SGCD: variants seen among roughly 807,000 people sequenced by gnomAD.
SGCD encodes delta-sarcoglycan.
A neutral mutation model predicts 36.6 loss-of-function variants in SGCD; 18 were observed. The observed-to-expected ratio is 0.49, with a 90% CI of 0.34 to 0.73. SGCD has a LOEUF of 0.73. Among genes scored for constraint, SGCD ranks in the 30% least tolerant of loss-of-function variants. The pLI, the probability that SGCD is intolerant of heterozygous loss-of-function variation, is 0.01. For synonymous variants in SGCD, 133 were observed against 130.6 expected (o/e 1.02, Z -0.12); for missense variants, 387 against 346.7 (o/e 1.12, Z -0.92).
At chr5:156,073,311 A>C (rs903645162) in intron 1 of SGCD, among the ~76,000 whole-genome samples, 2 of 152,146 alleles carry the variant, frequency 1.3e-5, no homozygotes, top group Non-Finnish European at 1.5e-5. Context: ...TAATCCTAGC[A>C]CTTTGGGAGG....
Position 156,362,644 on chromosome 5 carries a change from C to G in SGCD, c.192+17967C>G, listed in dbSNP as rs1323369979. On this transcript the variant is annotated intron_variant, in intron 3 of 8. Transcript: ENST00000337851. ...CTGGTGACAGAGAGAGACTCCATCT[C>G]AAAACAAATGAAAAAAACAGAAATA... Among the ~76,000 whole-genome samples, 5 of 152,062 alleles carry G rather than the reference C, an allele frequency of 3.3e-5. No individual in the cohort carries two copies. In the East Asian group the frequency reaches 7.7e-4, roughly 23 times the overall value.
At chr5:156,615,474 T>G (rs1182297430) in intron 6 of SGCD, among the ~76,000 whole-genome samples, 1 of 152,198 alleles carries the variant, frequency 6.6e-6, no homozygotes, top group Non-Finnish European at 1.5e-5. Context: ...TATGGTTTGA[T>G]GCTTAACTTT....
intron 1 of SGCD, among the ~76,000 whole-genome samples, chr5:155,985,855 C>G (rs1216620807): frequency 6.6e-6 from 1 of 152,156 alleles, no homozygotes; most frequent in African/African-American, 2.4e-5. Flanking sequence ...AGCTGTCCCT[C>G]ACTTGCTTGT....
At chr5:156,202,806 A>T (rs1764182889) in intron 3 of SGCD, among the ~76,000 whole-genome samples, 2 of 144,392 alleles carry the variant, frequency 1.4e-5, no homozygotes, top group South Asian at 2.2e-4. Flanking sequence ...ACCTGATTGG[A>T]GTTAATGCAG....
intron 3 of SGCD, among the ~76,000 whole-genome samples, chr5:156,441,820 G>T (rs1387921310): frequency 6.6e-6 from 1 of 152,118 alleles, no homozygotes; most frequent in Non-Finnish European, 1.5e-5. Context: ...ATGAAACCTT[G>T]GGGGTTAATT....
At chr5:156,677,269 G>T (rs7721754) in intron 7 of SGCD, among the ~76,000 whole-genome samples, 3,258 of 152,206 alleles carry the variant, frequency 0.021, 73 homozygotes, top group African/African-American at 0.046. Context: ...CCAACCCAAA[G>T]GTCCATCAAT....
chr5:156,567,356 G>T (rs1759527243), intron 4 of SGCD, among the ~76,000 whole-genome samples: 1 of 147,362 alleles, frequency 6.8e-6, no homozygotes, highest in Non-Finnish European at 1.5e-5. Context: ...AGGCAGGGAG[G>T]GAGGGAGGGA....
intron 3 of SGCD, among the ~76,000 whole-genome samples, chr5:156,266,777 G>GT (rs67300215): frequency 0.086 from 11,826 of 137,638 alleles, 521 homozygotes; most frequent in Non-Finnish European, 0.11. Context: ...TGGCCCCACT[G>GT]TTTTTTTTTT....
At chr5:155,980,513 G>A (rs990413825) in intron 1 of SGCD, among the ~76,000 whole-genome samples, 34 of 140,280 alleles carry the variant, frequency 2.4e-4, no homozygotes, top group African/African-American at 7.9e-4. Context: ...GTGTGAACCC[G>A]AGAGGCAGAG....
intron 3 of SGCD, among the ~76,000 whole-genome samples, chr5:156,466,851 G>A (rs1041360112): frequency 1.3e-5 from 2 of 151,948 alleles, no homozygotes; most frequent in African/African-American, 4.8e-5. Context: ...TTATACCAAT[G>A]TAGTCATAAA....
chr5:156,094,976 G>A (rs1001793946), intron 1 of SGCD, among the ~76,000 whole-genome samples: 2 of 152,074 alleles, frequency 1.3e-5, no homozygotes, highest in African/African-American at 4.8e-5. Flanking sequence ...ACTCCAGCCT[G>A]AGTGAGACTC....
At chr5:156,618,820 A>G (rs1337893090) in intron 6 of SGCD, among the ~76,000 whole-genome samples, 1 of 152,062 alleles carries the variant, frequency 6.6e-6, no homozygotes, top group Non-Finnish European at 1.5e-5. Context: ...TGAGCATCGT[A>G]GATTTATGCT....
In SGCD at chr5:156,329,696, C is replaced by T. The variant is rs182497620; in HGVS notation, c.3+117C>T. On this transcript the variant is annotated intron_variant, in intron 2 of 8. Transcript: ENST00000337851. Reference sequence around the variant, plus strand: ...TATATATGCCTTATCCTGATGAAGACATTTCTTTAATTTTACTTTTTTATT... The same window carrying T: ...TATATATGCCTTATCCTGATGAAGATATTTCTTTAATTTTACTTTTTTATT... 6.8e-6 allele frequency: 6 copies of T among 888,134 alleles called. No individual in the cohort carries two copies. The Admixed American group carries it at 1.3e-4, about 19-fold the overall frequency. 55.0% of individuals were successfully genotyped at this position (888,134 alleles called of 1,614,324 possible).
intron 1 of SGCD, among the ~76,000 whole-genome samples, chr5:155,980,729 C>G (rs543546676): frequency 6.7e-6 from 1 of 149,386 alleles, no homozygotes; most frequent in East Asian, 2.0e-4. Context: ...CTTTTATTGA[C>G]CCTTTATTTA....
At chr5:156,319,118 C>A (rs1767595562) in intron 3 of SGCD, among the ~76,000 whole-genome samples, 1 of 152,158 alleles carries the variant, frequency 6.6e-6, no homozygotes, top group African/African-American at 2.4e-5. Flanking sequence ...ATTACATCAG[C>A]ACTCCATCCT....
At position 156,145,142 on chromosome 5, in the gene SGCD, C is replaced by T. The variant is rs78904800; in HGVS notation, c.-44+21123C>T. ...GATTGAGTCATGGGGGTGGATCCTT[C>T]GTGAATGATTTAGCACCATCACCTT... On this transcript the variant is annotated intron_variant, in intron 3 of 9. Coordinates refer to the SGCD transcript ENST00000517913. Among the ~76,000 whole-genome samples, 616 of 152,218 alleles carry T rather than the reference C, an allele frequency of 4.0e-3. 4 individuals are homozygous for T. Among genetic ancestry groups the T allele is most frequent in the African/African-American group, 7.3e-3 (305 of 41,526 alleles).
chr5:156,143,448 C>G (rs1187469174), intron 3 of SGCD, among the ~76,000 whole-genome samples: 2 of 152,178 alleles, frequency 1.3e-5, no homozygotes, highest in Non-Finnish European at 2.9e-5. Context: ...AGCACCAACA[C>G]CCTCCAGCCC....
intron 1 of SGCD, among the ~76,000 whole-genome samples, chr5:156,024,540 A>G (rs2127574111): frequency 6.6e-6 from 1 of 152,130 alleles, no homozygotes. Context: ...GGACTATATT[A>G]GCTTGTTTAA....
chr5:156,504,784 T>C (rs1322884750), intron 3 of SGCD, among the ~76,000 whole-genome samples: 1 of 152,172 alleles, frequency 6.6e-6, no homozygotes, highest in Non-Finnish European at 1.5e-5. Flanking sequence ...AAGTCAGTCA[T>C]CAATAAATGT....
Sources: gnomAD v4.1 joint callset for allele counts (sites outside exome capture counted in the v4.1 genomes callset) on GRCh38, gnomAD v4.1.1 for gene constraint, MANE v1.5 for transcripts, NCBI Gene and HGNC (gene_info 2026-07-23, HGNC 2026-07-21) for gene names.